Variants in AGBL4 observed in about 807,000 individuals in gnomAD.
AGBL4 encodes the protein cytosolic carboxypeptidase 6.
In AGBL4, 58 loss-of-function variants were observed where a neutral mutation model predicts 66.4. The ratio of observed to expected loss-of-function variants is 0.87; its 90% CI spans 0.71 to 1.09. The LOEUF is 1.09. Ranked by LOEUF, AGBL4 falls within the 50% of genes least tolerant of loss-of-function variation. AGBL4 has a pLI of 0.00. For synonymous variants in AGBL4, 234 were observed against 222.9 expected (o/e 1.05, Z -0.44); for missense variants, 579 against 631.0 (o/e 0.92, Z 0.88).
chr1:49,830,594 A>G (rs1277968106), intron 2 of AGBL4, among the ~76,000 whole-genome samples: 1 of 152,170 alleles, frequency 6.6e-6, no homozygotes, highest in Non-Finnish European at 1.5e-5. Context: ...TTTGCTGTGC[A>G]GAAGCTCTTT....
intron 5 of AGBL4, among the ~76,000 whole-genome samples, chr1:48,883,917 A>C (rs75940091): frequency 2.4e-4 from 37 of 152,146 alleles, no homozygotes; most frequent in Non-Finnish European, 3.7e-4. Context: ...GGTCTATAAA[A>C]AACAAACAAA....
At chr1:48,565,424 C>T (rs1175555940) in intron 11 of AGBL4, among the ~76,000 whole-genome samples, 1 of 152,234 alleles carries the variant, frequency 6.6e-6, no homozygotes, top group Non-Finnish European at 1.5e-5. Flanking sequence ...CTGTGTATTT[C>T]CAGACATGAC....
intron 4 of AGBL4, among the ~76,000 whole-genome samples, chr1:49,234,865 G>C (rs1650595197): frequency 6.6e-6 from 1 of 152,118 alleles, no homozygotes; most frequent in Non-Finnish European, 1.5e-5. Flanking sequence ...TATAAATTTG[G>C]GACGGAGTTC....
intron 6 of AGBL4, among the ~76,000 whole-genome samples, chr1:48,788,246 T>C (rs1645455714): frequency 6.6e-6 from 1 of 152,252 alleles, no homozygotes; most frequent in African/African-American, 2.4e-5. Flanking sequence ...ATGAGTTGCC[T>C]TTTTCATTCT....
intron 3 of AGBL4, among the ~76,000 whole-genome samples, chr1:49,335,763 C>A (rs1323019582): frequency 6.6e-6 from 1 of 152,264 alleles, no homozygotes; most frequent in East Asian, 1.9e-4. Context: ...GATCCGCCCA[C>A]CTTGGCCCCC....
chr1:49,851,627 A>G (rs1409296278), intron 1 of AGBL4, 109 bp from the exon 2 acceptor site: 2 of 1,140,582 alleles, frequency 1.8e-6, no homozygotes, highest in Non-Finnish European at 2.4e-6. Context: ...TAACCCAAGC[A>G]AAAAGAAGTT....
chr1:49,071,100 C>T (rs1238504028), intron 4 of AGBL4, among the ~76,000 whole-genome samples: 2 of 151,846 alleles, frequency 1.3e-5, no homozygotes, highest in African/African-American at 4.9e-5. Context: ...TCCCCTTTAT[C>T]ATTTTTTATT....
intron 10 of AGBL4, among the ~76,000 whole-genome samples, chr1:48,588,637 A>T (rs1326839793): frequency 6.7e-6 from 1 of 148,454 alleles, no homozygotes; most frequent in Admixed American, 6.8e-5. Flanking sequence ...GCACAGAAAG[A>T]CTGTGAAAGA....
In AGBL4 at chr1:48,651,223, G is replaced by A. The variant is rs114847197; in HGVS notation, c.839+2114C>T. 4.8e-3 allele frequency among the ~76,000 whole-genome samples: 731 copies of A among 152,262 alleles called. 2 individuals are homozygous for A. Among genetic ancestry groups the A allele is most frequent in the African/African-American group, 0.016 (665 of 41,538 alleles). ...GAATGTTGGGGGTTGAAGCTTCAGGGTGAAACCACTTCTGAGGGTTGGAAA... is the reference window on the plus strand; with the variant it reads ...GAATGTTGGGGGTTGAAGCTTCAGGATGAAACCACTTCTGAGGGTTGGAAA... On this transcript the variant is annotated intron_variant, in intron 8 of 13. Coordinates refer to ENST00000371839, the MANE Select transcript of AGBL4 (RefSeq NM_032785.4).
intron 4 of AGBL4, among the ~76,000 whole-genome samples, chr1:49,187,910 G>C (rs1647043761): frequency 6.6e-6 from 1 of 152,082 alleles, no homozygotes; most frequent in South Asian, 2.1e-4. Flanking sequence ...GAAACCCAGT[G>C]GGAGGTAACT....
intron 1 of AGBL4, among the ~76,000 whole-genome samples, chr1:49,937,042 G>A (rs1354725119): frequency 6.6e-6 from 1 of 152,222 alleles, no homozygotes; most frequent in East Asian, 1.9e-4. Context: ...GACACAGACT[G>A]GCAAATTGAA....
At chr1:49,034,740 A>T (rs1180490881) in intron 5 of AGBL4, among the ~76,000 whole-genome samples, 1 of 152,050 alleles carries the variant, frequency 6.6e-6, no homozygotes, top group Non-Finnish European at 1.5e-5. Context: ...CCTTGCTGAC[A>T]CCATGTGAAG....
intron 1 of AGBL4, among the ~76,000 whole-genome samples, chr1:49,922,421 T>G (rs1357503021): frequency 6.6e-6 from 1 of 152,034 alleles, no homozygotes; most frequent in African/African-American, 2.4e-5. Context: ...CTCTCACCAC[T>G]CCAATTCAAC....
chr1:49,003,292 G>A (rs978905123), intron 5 of AGBL4, among the ~76,000 whole-genome samples: 8 of 152,112 alleles, frequency 5.3e-5, no homozygotes, highest in African/African-American at 1.4e-4. Flanking sequence ...TAGCTACTTA[G>A]GAGGCTGAGG....
chr1:49,847,863 G>A lies in AGBL4; in HGVS notation c.157+3533C>T, dbSNP rs570469679. Among the ~76,000 whole-genome samples the A allele has an allele frequency of 5.3e-5, 8 of 152,106 alleles. No homozygotes were observed. The South Asian group carries it at 8.3e-4, about 16-fold the overall frequency. ...ACTATAGGCGCCCGCCACCTCGCCC[G>A]ACTAATTTTTTGTATTTTTAGTACA... On this transcript the variant is annotated intron_variant, in intron 2 of 13. Transcript: ENST00000371839.
intron 4 of AGBL4, among the ~76,000 whole-genome samples, chr1:49,164,053 T>G (rs1439251245): frequency 2.6e-5 from 4 of 152,110 alleles, no homozygotes; most frequent in Non-Finnish European, 5.9e-5. Flanking sequence ...TATTGTGAAT[T>G]TTATAGGTTG....
At chr1:49,055,335 T>C (rs1232829358) in intron 4 of AGBL4, among the ~76,000 whole-genome samples, 1 of 152,028 alleles carries the variant, frequency 6.6e-6, no homozygotes, top group Non-Finnish European at 1.5e-5. Flanking sequence ...AGTAACTGTA[T>C]AAATATTTGG....
chr1:49,885,377 G>A (rs1039444232), intron 1 of AGBL4, among the ~76,000 whole-genome samples: 19 of 151,948 alleles, frequency 1.3e-4, no homozygotes, highest in Admixed American at 1.2e-3. Context: ...GGAAACTTTA[G>A]TCTCAGTGAA....
intron 4 of AGBL4, among the ~76,000 whole-genome samples, chr1:49,061,638 G>C (rs867189024): frequency 3.9e-5 from 6 of 152,150 alleles, no homozygotes; most frequent in Admixed American, 6.5e-5. Flanking sequence ...GATTATCAAG[G>C]TCAGAACAAG....
Sources: gnomAD v4.1 joint callset for allele counts (sites outside exome capture counted in the v4.1 genomes callset) on GRCh38, gnomAD v4.1.1 for gene constraint, MANE v1.5 for transcripts, NCBI Gene and HGNC (gene_info 2026-07-23, HGNC 2026-07-21) for gene names.